The following FMN1 variants were observed in gnomAD, a reference collection of about 807,000 sequenced individuals.
FMN1 encodes the protein formin 1, also known as formin-1.
In FMN1, 110 loss-of-function variants were observed where a neutral mutation model predicts 132.4. The observed-to-expected ratio is 0.83, with a 90% CI of 0.71 to 0.97. The LOEUF is 0.97. Among genes scored for constraint, FMN1 ranks in the 50% least tolerant of loss-of-function variants. The pLI is 0.00. For synonymous variants in FMN1, 722 were observed against 651.7 expected, an observed-to-expected ratio of 1.11 and a Z score of -1.64; for missense variants, 1,792 against 1,705.3, an observed-to-expected ratio of 1.05 and a Z score of -0.90.
At chr15:32,828,238 C>T (rs2058418814) in intron 17 of FMN1, among the ~76,000 whole-genome samples, 1 of 152,206 alleles carries the variant, frequency 6.6e-6, no homozygotes, top group Non-Finnish European at 1.5e-5. Context: ...TGCACCACTG[C>T]ACTCCAGCCT....
At chr15:32,899,376 G>A (rs762543088) in intron 14 of FMN1, among the ~76,000 whole-genome samples, 1 of 152,150 alleles carries the variant, frequency 6.6e-6, no homozygotes, top group Non-Finnish European at 1.5e-5. Flanking sequence ...CTCCCACAAG[G>A]CAGCCTTTGT....
intron 4 of FMN1, chr15:33,150,748 A>G (rs1387028625): frequency 1.0e-6 from 1 of 985,682 alleles, no homozygotes; most frequent in African/African-American, 1.7e-5. Context: ...GCTTTCAATA[A>G]TCTTAATGAC....
intron 19 of FMN1, among the ~76,000 whole-genome samples, chr15:32,785,219 T>TA (rs1491354596): frequency 0.19 from 2,302 of 11,984 alleles, 421 homozygotes; most frequent in Admixed American, 0.39. Flanking sequence ...TATATATATA[T>TA]TTTTTTTTTT....
chr15:33,126,196 T>G, intron 4 of FMN1, among the ~76,000 whole-genome samples: 1 of 151,536 alleles, frequency 6.6e-6, no homozygotes, highest in East Asian at 1.9e-4. Context: ...ACATGGTGTG[T>G]TATTAAGCAC....
chr15:33,091,132 T>C (rs577236278), intron 4 of FMN1, among the ~76,000 whole-genome samples: 4 of 152,214 alleles, frequency 2.6e-5, no homozygotes, highest in African/African-American at 4.8e-5. Context: ...ATATATAATA[T>C]GTATCACAAA....
chr15:32,935,607 C>T (rs557416169), intron 9 of FMN1, among the ~76,000 whole-genome samples: 10 of 151,832 alleles, frequency 6.6e-5, no homozygotes, highest in Non-Finnish European at 1.0e-4. Flanking sequence ...GACGGTGTTC[C>T]ATACATCCCT....
At chr15:33,114,782 A>G (rs1054476933) in intron 4 of FMN1, among the ~76,000 whole-genome samples, 15 of 152,242 alleles carry the variant, frequency 9.9e-5, no homozygotes, top group African/African-American at 3.6e-4. Flanking sequence ...CAGAACTATC[A>G]TTAAAGGAAT....
At chr15:33,034,485 A>G (rs1031767662) in intron 6 of FMN1, among the ~76,000 whole-genome samples, 5 of 152,104 alleles carry the variant, frequency 3.3e-5, no homozygotes, top group African/African-American at 1.2e-4. Context: ...GCTGAGGCAG[A>G]AGGACTGCTT....
rs1245008744 is a variant in FMN1, at chr15:33,113,803, C to T, written c.1868-24829G>A. On this transcript the variant is annotated intron_variant, in intron 4 of 20. Transcript: ENST00000616417. ...TCATCTGTGACTCCTTCCAGACGGT[C>T]TTACAGCTGAGGCCCCTGAGGTACC... Among the ~76,000 whole-genome samples the T allele has an allele frequency of 2.6e-5, 4 of 152,316 alleles. No individual in the cohort carries two copies. The South Asian group carries it at 8.3e-4, about 32-fold the overall frequency.
At chr15:33,026,277 A>G (rs537774459) in intron 6 of FMN1, among the ~76,000 whole-genome samples, 1 of 152,254 alleles carries the variant, frequency 6.6e-6, no homozygotes, top group South Asian at 2.1e-4. Context: ...ACTGGTTTTA[A>G]AAATCTAAAG....
intron 17 of FMN1, among the ~76,000 whole-genome samples, chr15:32,807,242 T>C (rs2057714262): frequency 1.3e-5 from 2 of 152,226 alleles, no homozygotes; most frequent in Admixed American, 1.3e-4. Context: ...GTAAAACTTA[T>C]TTTGTTTTAT....
chr15:33,123,446 G>A (rs1463443365), intron 4 of FMN1, among the ~76,000 whole-genome samples: 3 of 152,228 alleles, frequency 2.0e-5, no homozygotes, highest in South Asian at 2.1e-4. Flanking sequence ...ACTAAGCTAA[G>A]ACTCACTATC....
chr15:33,122,761 G>C (rs1962685710), intron 4 of FMN1, among the ~76,000 whole-genome samples: 1 of 152,156 alleles, frequency 6.6e-6, no homozygotes, highest in Non-Finnish European at 1.5e-5. Context: ...AACAAAGATT[G>C]ACCACGGCAA....
At chr15:32,933,086 T>C (rs1264579459) in intron 9 of FMN1, among the ~76,000 whole-genome samples, 1 of 152,180 alleles carries the variant, frequency 6.6e-6, no homozygotes, top group Admixed American at 6.5e-5. Context: ...GGTTGTTTAT[T>C]TGAAATCTTT....
rs1293912919 is a variant in FMN1 at position 33,185,765 on chromosome 15, T to C, written c.-196-5503A>G. On this transcript the variant is annotated intron_variant, in intron 2 of 20. Coordinates refer to ENST00000616417, the MANE Select transcript of FMN1 (RefSeq NM_001277313.2). ...TTTTGTATTTTTAGTAGAGACAGGG[T>C]TTCACCATGTTGGCCAGGCTGGTCT... is the stretch of plus-strand genomic sequence containing the variant. 3.3e-5 allele frequency among the ~76,000 whole-genome samples: 5 copies of C among 152,044 alleles called. No homozygotes were observed. The South Asian group carries it at 1.0e-3, about 32-fold the overall frequency.
chr15:33,060,278 G>A (rs2141223705), intron 6 of FMN1, among the ~76,000 whole-genome samples: 1 of 152,314 alleles, frequency 6.6e-6, no homozygotes, highest in South Asian at 2.1e-4. Context: ...AACGCAGCCT[G>A]TTAGCTATGA....
intron 15 of FMN1, among the ~76,000 whole-genome samples, chr15:32,898,080 T>TC (rs1255806795): frequency 2.6e-5 from 4 of 152,264 alleles, no homozygotes; most frequent in African/African-American, 9.6e-5. Context: ...CATCAGTGCC[T>TC]CACTTGTCTT....
At chr15:33,126,002 T>C (rs921196826) in intron 4 of FMN1, among the ~76,000 whole-genome samples, 1 of 140,236 alleles carries the variant, frequency 7.1e-6, no homozygotes, top group Admixed American at 6.8e-5. Context: ...CTTCTAAATC[T>C]ACACATGAGA....
rs149411725 is a variant in FMN1 at position 33,011,622 on chromosome 15, T to C, written c.2162-3547A>G. The stretch of plus-strand genomic sequence containing the variant: ...AACTTATTTTTCTTAAAATATACCA[T>C]AGAGAAACAGATTGACAATAGATCA... On this transcript the variant is annotated intron_variant, in intron 6 of 20. Transcript: ENST00000616417. 3.7e-4 allele frequency among the ~76,000 whole-genome samples: 57 copies of C among 152,192 alleles called. No homozygotes were observed. The East Asian group carries it at 8.9e-3, about 24-fold the overall frequency.
Sources: allele counts gnomAD v4.1 joint callset (sites outside exome capture counted in the v4.1 genomes callset), GRCh38; gene constraint gnomAD v4.1.1; transcripts MANE v1.5; gene names NCBI Gene and HGNC (gene_info 2026-07-23, HGNC 2026-07-21).